Variants in SND1 observed in about 807,000 individuals in gnomAD.
SND1 encodes staphylococcal nuclease domain-containing protein 1.
In SND1, 38 loss-of-function variants were observed where a neutral mutation model predicts 121.7. The observed-to-expected ratio is 0.31, with a 90% CI of 0.24 to 0.41. SND1 has a LOEUF of 0.41. Among genes scored for constraint, SND1 ranks in the 10% least tolerant of loss-of-function variants. The pLI is 1.00. For synonymous variants in SND1, 401 were observed against 447.4 expected, an observed-to-expected ratio of 0.90 and a Z score of 1.31; for missense variants, 868 against 1,184.6, an observed-to-expected ratio of 0.73 and a Z score of 3.92.
intron 16 of SND1, among the ~76,000 whole-genome samples, chr7:128,001,708 G>A (rs756457117): frequency 1.2e-4 from 18 of 152,162 alleles, no homozygotes; most frequent in East Asian, 5.8e-4. Flanking sequence ...AAGGTGGGCC[G>A]ATTACCTGAG....
intron 13 of SND1, among the ~76,000 whole-genome samples, chr7:127,889,904 A>C (rs1311778974): frequency 6.6e-6 from 1 of 152,076 alleles, no homozygotes; most frequent in Non-Finnish European, 1.5e-5. Flanking sequence ...TAAGTACCAC[A>C]GTTTCTTTAT....
intron 16 of SND1, among the ~76,000 whole-genome samples, chr7:127,997,015 T>A (rs1304892227): frequency 1.3e-5 from 2 of 152,196 alleles, no homozygotes; most frequent in Admixed American, 1.3e-4. Context: ...AAACCTTAAT[T>A]TTATATAGCA....
chr7:127,765,549 T>G (rs1254883643), intron 10 of SND1, among the ~76,000 whole-genome samples: 2 of 152,230 alleles, frequency 1.3e-5, no homozygotes, highest in Non-Finnish European at 2.9e-5. Flanking sequence ...TCCATTTTTC[T>G]CAATCTCTTG....
At chr7:127,743,145 CTT>C (rs1796913590) in intron 10 of SND1, among the ~76,000 whole-genome samples, 1 of 152,176 alleles carries the variant, frequency 6.6e-6, no homozygotes, top group African/African-American at 2.4e-5. Context: ...GACAAACAAA[CTT>C]AACTTTTTTG....
chr7:127,905,541 A>G (rs562323499), intron 14 of SND1, among the ~76,000 whole-genome samples: 39 of 152,282 alleles, frequency 2.6e-4, no homozygotes, highest in African/African-American at 8.9e-4. Context: ...ACAATGAAGA[A>G]AACTACTGAA....
chr7:128,044,651 GAC>G (rs1334500333), intron 16 of SND1, among the ~76,000 whole-genome samples: 2 of 90,044 alleles, frequency 2.2e-5, no homozygotes, highest in Non-Finnish European at 4.0e-5. Context: ...CACACACACA[GAC>G]ACACACACAC....
At chr7:127,960,423 T>A (rs760563197) in intron 15 of SND1, among the ~76,000 whole-genome samples, 2 of 152,082 alleles carry the variant, frequency 1.3e-5, no homozygotes, top group African/African-American at 2.4e-5. Flanking sequence ...TAGAAAACAC[T>A]CTTTGGAGGT....
intron 14 of SND1, among the ~76,000 whole-genome samples, chr7:127,926,718 A>ATTT (rs202201479): frequency 4.2e-5 from 3 of 72,126 alleles, no homozygotes; most frequent in African/African-American, 1.3e-4. Flanking sequence ...ACACCCGGCT[A>ATTT]TTTTGTTGTT....
intron 3 of SND1, 114 bp downstream of exon 3, chr7:127,695,062 G>C: frequency 7.8e-7 from 1 of 1,274,794 alleles, no homozygotes; most frequent in Non-Finnish European, 1.1e-6. Context: ...TAGGACAGTT[G>C]GCTGAAGGCA....
At chr7:127,791,455 A>C (rs752469631) in intron 10 of SND1, among the ~76,000 whole-genome samples, 1 of 151,760 alleles carries the variant, frequency 6.6e-6, no homozygotes, top group Non-Finnish European at 1.5e-5. Context: ...GCCCAACGTT[A>C]CTTTTTTTTA....
intron 15 of SND1, among the ~76,000 whole-genome samples, chr7:127,935,367 A>C (rs1801039542): frequency 6.6e-6 from 1 of 152,220 alleles, no homozygotes; most frequent in Non-Finnish European, 1.5e-5. Flanking sequence ...TATTCAGTAC[A>C]CCTATTGTTT....
At chr7:128,073,432 G>A (rs1435776455) in intron 16 of SND1, among the ~76,000 whole-genome samples, 1 of 152,032 alleles carries the variant, frequency 6.6e-6, no homozygotes, top group Non-Finnish European at 1.5e-5. Flanking sequence ...CCTGCCTCTC[G>A]GGCCCTGCCT....
intron 10 of SND1, among the ~76,000 whole-genome samples, chr7:127,734,467 C>T (rs1438146006): frequency 6.6e-6 from 1 of 152,176 alleles, no homozygotes; most frequent in Non-Finnish European, 1.5e-5. Context: ...GGTCACACCT[C>T]ATGTGCAATT....
intron 17 of SND1, among the ~76,000 whole-genome samples, chr7:128,075,107 G>A (rs577379352): frequency 6.6e-5 from 10 of 152,192 alleles, no homozygotes; most frequent in South Asian, 2.1e-4. Context: ...ACATTGCCCC[G>A]TGGGGAAACA....
At chr7:127,847,879 A>G (rs1799095800) in intron 12 of SND1, among the ~76,000 whole-genome samples, 1 of 152,126 alleles carries the variant, frequency 6.6e-6, no homozygotes, top group Admixed American at 6.5e-5. Context: ...TCAAACTTTT[A>G]TGGGTTATGG....
intron 15 of SND1, among the ~76,000 whole-genome samples, chr7:127,961,114 G>T (rs1198008332): frequency 2.0e-5 from 3 of 152,182 alleles, no homozygotes; most frequent in Admixed American, 2.0e-4. Flanking sequence ...AAATTCACTC[G>T]TATGTGGGTC....
At chr7:127,745,522 A>T (rs751226598) in intron 10 of SND1, among the ~76,000 whole-genome samples, 8 of 152,068 alleles carry the variant, frequency 5.3e-5, no homozygotes, top group Non-Finnish European at 8.8e-5. Flanking sequence ...TATTTTCAGA[A>T]TTCTACTGCT....
intron 15 of SND1, among the ~76,000 whole-genome samples, chr7:127,953,246 G>C (rs1801509293): frequency 6.7e-6 from 1 of 149,262 alleles, no homozygotes; most frequent in Non-Finnish European, 1.5e-5. Flanking sequence ...GAAAGCATCT[G>C]TAATAGGGTG....
chr7:128,082,968 G>A (rs1793631176), intron 18 of SND1, among the ~76,000 whole-genome samples: 1 of 151,006 alleles, frequency 6.6e-6, no homozygotes, highest in Non-Finnish European at 1.5e-5. Context: ...TGGAAGAGAA[G>A]GGAGTGAGGC....
Sources: allele counts gnomAD v4.1 joint callset (sites outside exome capture counted in the v4.1 genomes callset), GRCh38; gene constraint gnomAD v4.1.1; transcripts MANE v1.5; gene names NCBI Gene and HGNC (gene_info 2026-07-23, HGNC 2026-07-21).